Variants in GFRA1 observed in about 807,000 individuals in gnomAD.
GFRA1 encodes GDNF family receptor alpha-1.
GFRA1 carries 16 observed loss-of-function variants against 51.6 expected under a neutral mutation model. That is an observed-to-expected ratio of 0.31 (90% CI 0.21 to 0.47). GFRA1 has a LOEUF of 0.47. Ranked by LOEUF, GFRA1 falls within the 20% of genes least tolerant of loss-of-function variation. The pLI is 1.00. For synonymous variants in GFRA1, 270 were observed against 241.3 expected, an observed-to-expected ratio of 1.12 and a Z score of -1.10; for missense variants, 530 against 594.3, an observed-to-expected ratio of 0.89 and a Z score of 1.13.
At chr10:116,267,935 AGACT>A (rs1235606028) in intron 4 of GFRA1, among the ~76,000 whole-genome samples, 1 of 96,456 alleles carries the variant, frequency 1.0e-5, no homozygotes, top group African/African-American at 3.7e-5. Flanking sequence ...ACAGACTGAC[AGACT>A]AACACACACA....
chr10:116,211,140 C>T (rs186127042), intron 5 of GFRA1, among the ~76,000 whole-genome samples: 19 of 152,282 alleles, frequency 1.2e-4, no homozygotes, highest in Admixed American at 7.2e-4. Flanking sequence ...ACCCAGCTGG[C>T]GAGGTTGAAA....
chr10:116,224,555 C>T (rs895966225), intron 4 of GFRA1, among the ~76,000 whole-genome samples: 5 of 152,158 alleles, frequency 3.3e-5, no homozygotes, highest in Non-Finnish European at 7.3e-5. Flanking sequence ...ATGGATGAAC[C>T]TTGAAAGCAT....
At chr10:116,164,663 G>A (rs994554505) in intron 5 of GFRA1, among the ~76,000 whole-genome samples, 8 of 152,164 alleles carry the variant, frequency 5.3e-5, no homozygotes, top group African/African-American at 1.7e-4. Flanking sequence ...ATGTTAAACT[G>A]TGTGCAAATT....
intron 5 of GFRA1, among the ~76,000 whole-genome samples, chr10:116,148,097 T>TGCATGCGTGG: frequency 6.7e-6 from 1 of 148,880 alleles, no homozygotes; most frequent in Non-Finnish European, 1.5e-5. Flanking sequence ...TGCATGCGTG[T>TGCATGCGTGG]GTGCATGCAT....
chr10:116,089,991 G>A (rs1956267302), intron 8 of GFRA1, 69 bp from the exon 9 acceptor site: 12 of 1,344,246 alleles, frequency 8.9e-6, no homozygotes, highest in African/African-American at 1.4e-5. Context: ...GATATACACA[G>A]CCAGAGAGGC....
At chr10:116,152,774 A>G (rs911523218) in intron 5 of GFRA1, among the ~76,000 whole-genome samples, 1 of 152,214 alleles carries the variant, frequency 6.6e-6, no homozygotes, top group Non-Finnish European at 1.5e-5. Context: ...ACTCACACAC[A>G]TTTGTGACCA....
chr10:116,111,470 C>T (rs1228107045), intron 6 of GFRA1, among the ~76,000 whole-genome samples: 1 of 152,188 alleles, frequency 6.6e-6, no homozygotes, highest in Non-Finnish European at 1.5e-5. Flanking sequence ...GGAAGCTTTC[C>T]ATGTGTTGTC....
intron 5 of GFRA1, among the ~76,000 whole-genome samples, chr10:116,159,586 G>A (rs572653628): frequency 6.6e-6 from 1 of 152,310 alleles, no homozygotes; most frequent in Admixed American, 6.5e-5. Flanking sequence ...AAGGTTCAGT[G>A]TTTCCTGGGC....
intron 5 of GFRA1, among the ~76,000 whole-genome samples, chr10:116,185,425 A>C (rs1962611605): frequency 2.0e-5 from 3 of 151,946 alleles, no homozygotes; most frequent in Non-Finnish European, 2.9e-5. Context: ...CCTCCTTTGA[A>C]CCCACTCACC....
chr10:116,230,609 C>A (rs1405858978), intron 4 of GFRA1, among the ~76,000 whole-genome samples: 1 of 151,644 alleles, frequency 6.6e-6, no homozygotes, highest in Non-Finnish European at 1.5e-5. Flanking sequence ...ATAAACAAGA[C>A]TGGTTTCAAC....
At chr10:116,258,380 A>ATATGT (rs1565685600) in intron 4 of GFRA1, among the ~76,000 whole-genome samples, 1 of 146,148 alleles carries the variant, frequency 6.8e-6, no homozygotes, top group East Asian at 1.9e-4. Context: ...ATAATATCTA[A>ATATGT]TATATTAATT....
chr10:116,079,815 G>T (rs903853924), intron 9 of GFRA1, among the ~76,000 whole-genome samples: 1 of 152,140 alleles, frequency 6.6e-6, no homozygotes, highest in Non-Finnish European at 1.5e-5. Context: ...GTTGGCACAG[G>T]GGGGTGTGCA....
chr10:116,269,584 T>C lies in GFRA1; in HGVS notation c.337A>G (p.Asn113Asp). ...TATGGGGAATCCTCCAGCAGATCATTTCCTAAAAACAACAGAAAGATTGGG... is the reference window on the plus strand; with the variant it reads ...TATGGGGAATCCTCCAGCAGATCATCTCCTAAAAACAACAGAAAGATTGGG... The part of the protein sequence containing the change: ...YWSMYQSLQG[N>D]DLLEDSPYEP... Residue 113 changes from asparagine (N) to aspartate (D), a missense_variant and splice_region_variant, in exon 4 of 11, where the codon AAT (asparagine) becomes GAT (aspartate). Transcript: ENST00000355422. The C allele has an allele frequency of 1.3e-6, 2 of 1,588,034 alleles. No individual in the cohort carries two copies. Among genetic ancestry groups the C allele is most frequent in the Non-Finnish European group, 1.7e-6 (2 of 1,156,192 alleles).
At chr10:116,069,704 C>T (rs1168140900) in intron 9 of GFRA1, among the ~76,000 whole-genome samples, 1 of 152,230 alleles carries the variant, frequency 6.6e-6, no homozygotes, top group African/African-American at 2.4e-5. Context: ...AGTGCCTCTC[C>T]TGCTTTTTAC....
intron 5 of GFRA1, among the ~76,000 whole-genome samples, chr10:116,193,365 T>A (rs902590504): frequency 2.6e-5 from 4 of 152,124 alleles, no homozygotes; most frequent in African/African-American, 9.7e-5. Context: ...AAAAATCTAT[T>A]AACATATCCT....
At chr10:116,113,101 CTT>C (rs1957276306) in intron 6 of GFRA1, among the ~76,000 whole-genome samples, 1 of 151,896 alleles carries the variant, frequency 6.6e-6, no homozygotes, top group Non-Finnish European at 1.5e-5. Flanking sequence ...ACCTTAATGA[CTT>C]TTCTCTCTCT....
Position 116,063,784 on chromosome 10 carries a change from G to T in GFRA1, c.*614C>A. On this transcript the variant is annotated 3_prime_UTR_variant, in exon 11 of 11. Transcript: ENST00000355422. ...CAGGTGTTTTTTCTTTTGTACAAGA[G>T]TGCAGAACTGTTTACAGTACATAAA... The T allele has an allele frequency of 6.5e-6, 1 of 152,848 alleles. No homozygotes were observed. The highest frequency in any genetic ancestry group is 2.1e-4 in the South Asian group (1 of 4,834). The allele number at this position is 152,848 out of a possible 1,614,324, so 9.5% of individuals were successfully genotyped here.
intron 4 of GFRA1, among the ~76,000 whole-genome samples, chr10:116,251,814 G>A (rs918812715): frequency 5.3e-5 from 8 of 152,000 alleles, no homozygotes; most frequent in African/African-American, 9.7e-5. Flanking sequence ...GGGTGGAGGA[G>A]GTACACGTCT....
intron 5 of GFRA1, among the ~76,000 whole-genome samples, chr10:116,175,488 G>A (rs1297126865): frequency 1.3e-5 from 2 of 152,168 alleles, no homozygotes; most frequent in South Asian, 2.1e-4. Context: ...ATTAAAGGGC[G>A]AGATTAATGT....
Sources: gnomAD v4.1 joint callset for allele counts (sites outside exome capture counted in the v4.1 genomes callset) on GRCh38, gnomAD v4.1.1 for gene constraint, MANE v1.5 for transcripts, NCBI Gene and HGNC (gene_info 2026-07-23, HGNC 2026-07-21) for gene names.